Variants in GPC6 observed in about 807,000 individuals in gnomAD.
The protein encoded by GPC6 is glypican-6.
GPC6 carries 14 observed loss-of-function variants against 55.2 expected under a neutral mutation model. The ratio of observed to expected loss-of-function variants is 0.25; its 90% CI spans 0.17 to 0.40. GPC6 has a LOEUF of 0.40. GPC6 is among the 10% of genes least tolerant of loss of function. GPC6 has a pLI of 1.00. For missense variants in GPC6, 641 were observed against 708.5 expected, an observed-to-expected ratio of 0.90 and a Z score of 1.08; for synonymous variants, 278 against 259.6, an observed-to-expected ratio of 1.07 and a Z score of -0.68.
intron 1 of GPC6, among the ~76,000 whole-genome samples, chr13:93,529,021 C>T (rs1419220977): frequency 1.3e-5 from 2 of 152,028 alleles, no homozygotes; most frequent in Admixed American, 6.6e-5. Context: ...CAAAGTGATA[C>T]TTTCTATCAC....
intron 1 of GPC6, among the ~76,000 whole-genome samples, chr13:93,446,907 A>T (rs1435453678): frequency 6.6e-6 from 1 of 151,862 alleles, no homozygotes; most frequent in African/African-American, 2.4e-5. Context: ...TAAAAAAAGA[A>T]TTTTTAAAAA....
At chr13:93,435,470 T>G (rs988910028) in intron 1 of GPC6, among the ~76,000 whole-genome samples, 8 of 152,118 alleles carry the variant, frequency 5.3e-5, no homozygotes, top group African/African-American at 1.4e-4. Flanking sequence ...ATTTTTTTTT[T>G]TTGTTAATTT....
chr13:94,031,535 A>G (rs1883137863), intron 4 of GPC6, among the ~76,000 whole-genome samples: 1 of 152,100 alleles, frequency 6.6e-6, no homozygotes, highest in South Asian at 2.1e-4. Context: ...TCACTATTAG[A>G]AACTATGCAG....
At chr13:94,220,710 C>T (rs1468809133) in intron 4 of GPC6, among the ~76,000 whole-genome samples, 2 of 152,008 alleles carry the variant, frequency 1.3e-5, no homozygotes, top group Admixed American at 1.3e-4. Context: ...ATTGGTAGTT[C>T]CTTGGTTTAT....
intron 4 of GPC6, among the ~76,000 whole-genome samples, chr13:94,145,054 A>G (rs1303869070): frequency 6.6e-6 from 1 of 152,030 alleles, no homozygotes; most frequent in African/African-American, 2.4e-5. Flanking sequence ...CCTAGATTTT[A>G]TTTTTTCTTG....
chr13:94,175,957 G>T (rs7322374), intron 4 of GPC6, among the ~76,000 whole-genome samples: 19,468 of 58,882 alleles, frequency 0.33, 1,129 homozygotes, highest in South Asian at 0.41. Flanking sequence ...TATATATATA[G>T]AGAGAGAGAG....
In GPC6 at chr13:93,806,634, C is replaced by T. The variant is rs115466123; in HGVS notation, c.320-23520C>T. On this transcript the variant is annotated intron_variant, in intron 2 of 8. Transcript: ENST00000377047. ...GGATTACAGGTGTGAGTCACCACAT[C>T]CGGCCCACTTGGCACAGTTCTAGAT... Among the ~76,000 whole-genome samples the T allele has an allele frequency of 4.2e-3, 646 of 152,272 alleles. 4 individuals carry two copies. Among genetic ancestry groups the T allele is most frequent in the African/African-American group, 0.014 (594 of 41,546 alleles).
At chr13:94,015,566 A>G (rs544161357) in intron 3 of GPC6, among the ~76,000 whole-genome samples, 1 of 152,272 alleles carries the variant, frequency 6.6e-6, no homozygotes, top group East Asian at 1.9e-4. Context: ...TTGGTGTCAT[A>G]CTAAGAATTC....
At chr13:93,724,799 T>C (rs1462455870) in intron 2 of GPC6, among the ~76,000 whole-genome samples, 2 of 152,044 alleles carry the variant, frequency 1.3e-5, no homozygotes, top group Non-Finnish European at 2.9e-5. Flanking sequence ...GGTGCGATCA[T>C]TCATTGATGC....
intron 4 of GPC6, among the ~76,000 whole-genome samples, chr13:94,051,025 GC>G (rs1225914101): frequency 6.6e-6 from 1 of 152,092 alleles, no homozygotes; most frequent in Non-Finnish European, 1.5e-5. Context: ...TTGACAGATG[GC>G]AAAAGATACT....
At chr13:94,251,825 G>A (rs182638333) in intron 4 of GPC6, among the ~76,000 whole-genome samples, 3 of 151,904 alleles carry the variant, frequency 2.0e-5, no homozygotes, top group East Asian at 3.9e-4. Context: ...ATGGATGTAC[G>A]TTTATCATTG....
chr13:93,460,459 A>G (rs1274224217), intron 1 of GPC6, among the ~76,000 whole-genome samples: 1 of 152,214 alleles, frequency 6.6e-6, no homozygotes, highest in African/African-American at 2.4e-5. Flanking sequence ...ACAAACATTT[A>G]AATCTACACA....
chr13:93,225,351 G>A (rs1048575281), upstream of GPC6, among the ~76,000 whole-genome samples: 2 of 152,098 alleles, frequency 1.3e-5, no homozygotes, highest in African/African-American at 2.4e-5. Context: ...CTTGATTTCC[G>A]ACTTGAGGGA....
At chr13:93,920,370 A>G (rs540690001) in intron 3 of GPC6, among the ~76,000 whole-genome samples, 12 of 152,184 alleles carry the variant, frequency 7.9e-5, no homozygotes, top group African/African-American at 2.6e-4. Flanking sequence ...TCATCACCAT[A>G]TAAATGACTC....
chr13:93,287,559 C>A (rs1288814848), intron 1 of GPC6, among the ~76,000 whole-genome samples: 2 of 152,126 alleles, frequency 1.3e-5, no homozygotes, highest in African/African-American at 2.4e-5. Flanking sequence ...TCACTTCAAC[C>A]CATTCAAAAG....
intron 3 of GPC6, among the ~76,000 whole-genome samples, chr13:94,020,255 G>T (rs143294388): frequency 6.6e-6 from 1 of 152,156 alleles, no homozygotes; most frequent in African/African-American, 2.4e-5. Flanking sequence ...TGTATGAAAC[G>T]TATGTGGTTT....
chr13:93,880,414 G>A (rs1036869059), intron 3 of GPC6, among the ~76,000 whole-genome samples: 40 of 152,052 alleles, frequency 2.6e-4, no homozygotes, highest in Admixed American at 4.6e-4. Flanking sequence ...TGTCCTTTGT[G>A]GGGACATGGA....
chr13:93,676,119 AAAAAAAAATATATATATATATAT>A (rs1881590842), intron 2 of GPC6, among the ~76,000 whole-genome samples: 1 of 14,624 alleles, frequency 6.8e-5, no homozygotes, highest in Admixed American at 8.2e-4. Flanking sequence ...AAAAAAAAAA[AAAAAAAAATATATATATATATAT>A]ATATATATAT....
rs140628642 is a variant in GPC6 at position 93,562,043 on chromosome 13, T to C, written c.319+16622T>C. Reference sequence around the variant, plus strand: ...CTTTGCTACAGCGTGTTTCTGAAATTCAAAATTTAATAGTCTGAGACCCTA... The same window carrying C: ...CTTTGCTACAGCGTGTTTCTGAAATCCAAAATTTAATAGTCTGAGACCCTA... On this transcript the variant is annotated intron_variant, in intron 2 of 8. Coordinates refer to ENST00000377047, the MANE Select transcript of GPC6 (RefSeq NM_005708.5). 3.5e-4 allele frequency among the ~76,000 whole-genome samples: 53 copies of C among 152,240 alleles called. No homozygotes were observed. The East Asian group carries it at 0.01, about 29-fold the overall frequency.
Sources: gnomAD v4.1 joint callset for allele counts (sites outside exome capture counted in the v4.1 genomes callset) on GRCh38, gnomAD v4.1.1 for gene constraint, MANE v1.5 for transcripts, NCBI Gene and HGNC (gene_info 2026-07-23, HGNC 2026-07-21) for gene names.